The following CCNY variants were observed in gnomAD, a reference collection of about 807,000 sequenced individuals.
CCNY encodes cyclin-Y.
Under a neutral mutation model 42.8 loss-of-function variants are expected in CCNY, and 19 were observed. That is an observed-to-expected ratio of 0.44 (90% CI 0.31 to 0.65). The LOEUF (loss-of-function observed/expected upper bound fraction) is 0.65, where lower values mean the gene tolerates loss of function less well. CCNY is among the 30% of genes least tolerant of loss of function. The pLI, the probability that CCNY is intolerant of heterozygous loss-of-function variation, is 0.07. For missense variants in CCNY, 370 were observed against 437.3 expected (o/e 0.85, Z 1.37); for synonymous variants, 165 against 162.7 (o/e 1.01, Z -0.11).
At chr10:35,507,761 G>A (rs1840243421) in intron 3 of CCNY, among the ~76,000 whole-genome samples, 1 of 151,150 alleles carries the variant, frequency 6.6e-6, no homozygotes, top group Non-Finnish European at 1.5e-5. Context: ...AGTCTTTCAG[G>A]ACATTGACAC....
At chr10:35,370,014 G>T (rs1307489103) in intron 1 of CCNY, among the ~76,000 whole-genome samples, 2 of 152,200 alleles carry the variant, frequency 1.3e-5, no homozygotes, top group Non-Finnish European at 2.9e-5. Flanking sequence ...AAGCCTTAAA[G>T]TTTGAGAATC....
At chr10:35,440,775 C>T (rs911555011) in intron 1 of CCNY, among the ~76,000 whole-genome samples, 14 of 152,198 alleles carry the variant, frequency 9.2e-5, no homozygotes, top group Admixed American at 4.6e-4. Context: ...CGTGGGACTC[C>T]AGTCCCTGCT....
At chr10:35,464,285 G>GCATCCCGT (rs2135334243) in intron 1 of CCNY, among the ~76,000 whole-genome samples, 1 of 152,196 alleles carries the variant, frequency 6.6e-6, no homozygotes, top group East Asian at 1.9e-4. Context: ...CTTACCAGGT[G>GCATCCCGT]CATCCCGTCT....
chr10:35,518,842 T>TAA (rs1840483838), intron 4 of CCNY, among the ~76,000 whole-genome samples: 1 of 120,436 alleles, frequency 8.3e-6, no homozygotes, highest in Non-Finnish European at 1.7e-5. Flanking sequence ...CTGGCTGAGG[T>TAA]ATGCTGTGAG....
chr10:35,350,258 T>G (rs1358592740), intron 1 of CCNY, among the ~76,000 whole-genome samples: 8 of 152,222 alleles, frequency 5.3e-5, no homozygotes, highest in African/African-American at 1.7e-4. Flanking sequence ...TTGCCCTTAT[T>G]CCTTTTGCTT....
intron 1 of CCNY, among the ~76,000 whole-genome samples, chr10:35,346,158 A>G (rs1405733257): frequency 6.6e-6 from 1 of 152,216 alleles, no homozygotes; most frequent in Non-Finnish European, 1.5e-5. Context: ...ACCTAAAATA[A>G]TAAGATCAAG....
intron 3 of CCNY, among the ~76,000 whole-genome samples, chr10:35,504,211 G>A (rs752063578): frequency 6.6e-6 from 1 of 152,188 alleles, no homozygotes; most frequent in Non-Finnish European, 1.5e-5. Flanking sequence ...GACAAGGCGA[G>A]TGTTCACCTC....
At chr10:35,269,269 ACTTCCTTCCTTCCTTCCTTCCTTC>A in intron 3 of CCNY, among the ~76,000 whole-genome samples, 1 of 149,556 alleles carries the variant, frequency 6.7e-6, no homozygotes, top group East Asian at 2.0e-4. Context: ...CAAATAATCT[ACTTCCTTCCTTCCTTCCTTCCTTC>A]CTTCCTTCCT....
At chr10:35,485,498 G>A (rs151247482) in intron 2 of CCNY, among the ~76,000 whole-genome samples, 1 of 152,204 alleles carries the variant, frequency 6.6e-6, no homozygotes, top group African/African-American at 2.4e-5. Context: ...GGCCAAGGCG[G>A]GTGGATCACG....
At chr10:35,420,245 A>C (rs1366348168) in intron 1 of CCNY, among the ~76,000 whole-genome samples, 1 of 152,186 alleles carries the variant, frequency 6.6e-6, no homozygotes, top group Non-Finnish European at 1.5e-5. Context: ...TACTGAATGA[A>C]TCATGTCTTG....
intron 1 of CCNY, 146 bp downstream of exon 1, chr10:35,337,353 C>T (rs1426492300): frequency 2.5e-6 from 2 of 808,138 alleles, no homozygotes; most frequent in East Asian, 3.4e-5. Flanking sequence ...CCTAGGCGCC[C>T]GGGGCCCCGC....
At chr10:35,414,051 A>G (rs1444113548) in intron 1 of CCNY, among the ~76,000 whole-genome samples, 1 of 152,198 alleles carries the variant, frequency 6.6e-6, no homozygotes, top group Non-Finnish European at 1.5e-5. Flanking sequence ...GGGTTTTTCT[A>G]GGCTAAAAAA....
chr10:35,519,660 G>A (rs1840503680), intron 4 of CCNY, among the ~76,000 whole-genome samples: 2 of 151,870 alleles, frequency 1.3e-5, no homozygotes, highest in South Asian at 4.2e-4. Context: ...TGAGACTTCA[G>A]TGTAGATTCT....
At chr10:35,377,115 T>C (rs905768639) in intron 1 of CCNY, among the ~76,000 whole-genome samples, 4 of 152,226 alleles carry the variant, frequency 2.6e-5, no homozygotes, top group Non-Finnish European at 5.9e-5. Flanking sequence ...AAAATTCCTA[T>C]CGCTGAGTGT....
At chr10:35,494,243 C>CCA (rs1554794908) in intron 2 of CCNY, among the ~76,000 whole-genome samples, 6 of 145,916 alleles carry the variant, frequency 4.1e-5, no homozygotes, top group East Asian at 4.0e-4. Flanking sequence ...GACCCCCCCC[C>CCA]CCATTTCTAC....
chr10:35,254,486 A>C (rs1454932117), intron 3 of CCNY, among the ~76,000 whole-genome samples: 1 of 152,036 alleles, frequency 6.6e-6, no homozygotes, highest in East Asian at 1.9e-4. Context: ...ATGCTGACCT[A>C]TTACATGTTA....
intron 1 of CCNY, among the ~76,000 whole-genome samples, chr10:35,371,657 A>G (rs1428493982): frequency 1.3e-5 from 2 of 152,158 alleles, no homozygotes; most frequent in African/African-American, 4.8e-5. Context: ...GGGGCACAGT[A>G]GAGATGCTGT....
At chr10:35,460,244 A>G (rs574949537) in intron 1 of CCNY, among the ~76,000 whole-genome samples, 1 of 152,332 alleles carries the variant, frequency 6.6e-6, no homozygotes, top group South Asian at 2.1e-4. Context: ...TCTCTCTCGT[A>G]TATCTCTATT....
intron 1 of CCNY, among the ~76,000 whole-genome samples, chr10:35,369,010 A>G (rs1201203544): frequency 1.3e-5 from 2 of 152,242 alleles, no homozygotes; most frequent in Non-Finnish European, 2.9e-5. Flanking sequence ...AAGGAGCAGC[A>G]GTAACCTGCC....
Sources: allele counts gnomAD v4.1 joint callset (sites outside exome capture counted in the v4.1 genomes callset), GRCh38; gene constraint gnomAD v4.1.1; transcripts MANE v1.5; gene names NCBI Gene and HGNC (gene_info 2026-07-23, HGNC 2026-07-21).